Variants in NIPBL observed in about 807,000 individuals in gnomAD.
NIPBL encodes the protein nipped-B-like protein.
In NIPBL, 19 loss-of-function variants were observed where a neutral mutation model predicts 321.8. The ratio of observed to expected loss-of-function variants is 0.06; its 90% CI spans 0.04 to 0.09. The LOEUF (loss-of-function observed/expected upper bound fraction) is 0.09. Among genes scored for constraint, NIPBL ranks in the 10% least tolerant of loss-of-function variants. NIPBL has a pLI of 1.00. For synonymous variants in NIPBL, 1,106 were observed against 1,114.1 expected (o/e 0.99, Z 0.14); for missense variants, 2,210 against 3,327.0 (o/e 0.66, Z 8.26).
intron 10 of NIPBL, among the ~76,000 whole-genome samples, chr5:36,991,216 A>G (rs184104209): frequency 6.5e-4 from 99 of 152,222 alleles, no homozygotes; most frequent in Non-Finnish European, 1.1e-3. Context: ...ACTAATATCA[A>G]AACCCTGAAT....
chr5:37,004,501 C>A (rs1204040516), intron 16 of NIPBL, among the ~76,000 whole-genome samples: 4 of 151,686 alleles, frequency 2.6e-5, no homozygotes, highest in African/African-American at 9.7e-5. Context: ...AACTACTGGG[C>A]TCAGGTGATC....
At chr5:36,960,010 T>C (rs1057503362) in intron 4 of NIPBL, among the ~76,000 whole-genome samples, 20 of 152,120 alleles carry the variant, frequency 1.3e-4, no homozygotes, top group Non-Finnish European at 2.5e-4. Flanking sequence ...GGTAGGAGGA[T>C]TGCTTGAGCC....
At chr5:37,013,146 C>G (rs756811675) in intron 21 of NIPBL, among the ~76,000 whole-genome samples, 1 of 146,798 alleles carries the variant, frequency 6.8e-6, no homozygotes, top group Non-Finnish European at 1.5e-5. Context: ...ACCTCCCGGA[C>G]GGGGCGGCTG....
rs192807672 is a variant in NIPBL at position 36,981,215 on chromosome 5, A to G, written c.1496-3461A>G. Among the ~76,000 whole-genome samples, 557 of 151,812 alleles carry G rather than the reference A, an allele frequency of 3.7e-3. 3 individuals are homozygous for G. Among genetic ancestry groups the G allele is most frequent in the African/African-American group, 0.013 (522 of 41,516 alleles). The stretch of plus-strand genomic sequence containing the variant: ...ACTTTAGGATATGAGTTTGTTTGCC[A>G]ATATATTCGTTTACTGTGAGAGAAA... On this transcript the variant is annotated intron_variant, in intron 9 of 46. Transcript: ENST00000282516.
intron 1 of NIPBL, among the ~76,000 whole-genome samples, chr5:36,904,590 G>A (rs530377669): frequency 6.6e-6 from 1 of 152,326 alleles, no homozygotes; most frequent in South Asian, 2.1e-4. Flanking sequence ...CTACAGCTTA[G>A]TTGAATGCCC....
chr5:36,975,296 T>G (rs893023650), intron 8 of NIPBL, among the ~76,000 whole-genome samples: 2 of 152,132 alleles, frequency 1.3e-5, no homozygotes, highest in Non-Finnish European at 2.9e-5. Flanking sequence ...CCCAGTAGTA[T>G]TCATGTAAGA....
rs187713796 is a variant in NIPBL at position 36,890,211 on chromosome 5, A to G, written c.-80+13033A>G. Reference sequence around the variant, plus strand: ...TACTTTTTGCTTTTACTTTTTTTCTATATAAATAATGAGGCAGTGAACATC... The same window carrying G: ...TACTTTTTGCTTTTACTTTTTTTCTGTATAAATAATGAGGCAGTGAACATC... On this transcript the variant is annotated intron_variant, in intron 1 of 46. Coordinates refer to ENST00000282516, the MANE Select transcript of NIPBL (RefSeq NM_133433.4). Among the ~76,000 whole-genome samples the G allele has an allele frequency of 5.5e-3, 839 of 152,116 alleles. 13 individuals are homozygous for G. Among genetic ancestry groups the G allele is most frequent in the African/African-American group, 0.02 (810 of 41,536 alleles).
At chr5:36,975,273 T>C (rs1327377964) in intron 8 of NIPBL, among the ~76,000 whole-genome samples, 1 of 152,150 alleles carries the variant, frequency 6.6e-6, no homozygotes, top group East Asian at 1.9e-4. Flanking sequence ...GACCACTTGC[T>C]TTTTGTTATC....
chr5:36,982,235 C>T (rs988354473), intron 9 of NIPBL: 1 of 979,190 alleles, frequency 1.0e-6, no homozygotes, highest in Non-Finnish European at 1.2e-6. Context: ...AATCACTGTC[C>T]TAAATACCAA....
At chr5:36,901,775 C>T (rs545070595) in intron 1 of NIPBL, among the ~76,000 whole-genome samples, 37 of 152,242 alleles carry the variant, frequency 2.4e-4, no homozygotes, top group Admixed American at 9.8e-4. Context: ...TCCCAAAGTG[C>T]TAGGATTACA....
At chr5:36,949,745 A>G (rs1436185805) in intron 1 of NIPBL, among the ~76,000 whole-genome samples, 1 of 151,942 alleles carries the variant, frequency 6.6e-6, no homozygotes, top group Non-Finnish European at 1.5e-5. Flanking sequence ...CCATCAGATA[A>G]TAAGAATGCC....
intron 1 of NIPBL, among the ~76,000 whole-genome samples, chr5:36,878,131 T>G (rs1324860901): frequency 2.0e-5 from 3 of 152,212 alleles, no homozygotes; most frequent in Non-Finnish European, 4.4e-5. Context: ...ACTTTTCTTT[T>G]CTTTTTCCAA....
At chr5:37,064,046 A>G in intron 46 of NIPBL, 68 bp downstream of exon 46, 1 of 1,573,456 alleles carries the variant, frequency 6.4e-7, no homozygotes, top group South Asian at 1.2e-5. Flanking sequence ...GTGCTTATAT[A>G]TGTCAGTCTA....
Position 36,985,347 on chromosome 5 carries a change from G to A in NIPBL, c.2167G>A (p.Glu723Lys). ...TPKQKSDGHP[E>K]TPKQKGDGRP... The stretch of plus-strand genomic sequence containing the variant: ...AAAACAAAAGAGTGATGGGCATCCT[G>A]AAACCCCAAAACAGAAGGGTGATGG... Residue 723 changes from glutamate to lysine, a missense_variant, in exon 10 of 47, where the codon GAA (glutamate) becomes AAA (lysine). Physicochemically the swap from Glu to Lys is moderately conservative, Grantham distance 56. Coordinates refer to ENST00000282516, the MANE Select transcript of NIPBL (RefSeq NM_133433.4). 6.2e-7 allele frequency: 1 copy of A among 1,613,686 alleles called. No individual in the cohort carries two copies. Among genetic ancestry groups the A allele is most frequent in the Non-Finnish European group, 8.5e-7 (1 of 1,179,924 alleles).
Position 37,006,572 on chromosome 5 carries a change from AT to A in NIPBL, c.4073del (p.Leu1358Ter). 6.2e-7 allele frequency: 1 copy of A among 1,603,292 alleles called. No individual in the cohort carries two copies. Among genetic ancestry groups the A allele is most frequent in the Non-Finnish European group, 8.5e-7 (1 of 1,171,150 alleles). ...ATCCTCAGTATGATCCTGTTTACAGATTAGATCCTCATGGAGGTTAGTTCGT... is the reference window on the plus strand; with the variant it reads ...ATCCTCAGTATGATCCTGTTTACAGATAGATCCTCATGGAGGTTAGTTCGT... Reference protein sequence around the residue: ...LYPQYDPVYRLDPHGGGLLSS... With the variant: ...LYPQYDPVYRXDPHGGGLLSS... On this transcript the variant is annotated frameshift_variant, in exon 17 of 47. Coordinates refer to ENST00000282516, the MANE Select transcript of NIPBL (RefSeq NM_133433.4). LOFTEE classifies it high-confidence loss of function.
In NIPBL at chr5:37,002,773, A is replaced by G. The variant is rs1746966186; in HGVS notation, c.3768+8A>G. The stretch of plus-strand genomic sequence containing the variant: ...ATGGGTATAATGGATAAGGTATCTC[A>G]CCAAAGTAAAATTTATAAATTTACT... On this transcript the variant is annotated splice_region_variant and intron_variant, in intron 15 of 46. Transcript: ENST00000282516. The G allele has an allele frequency of 2.1e-6, 3 of 1,430,936 alleles. No individual in the cohort carries two copies. The highest frequency in any genetic ancestry group is 2.8e-5 in the African/African-American group (2 of 71,502). 88.6% of individuals were successfully genotyped at this position (1,430,936 alleles called of 1,614,324 possible).
intron 1 of NIPBL, among the ~76,000 whole-genome samples, chr5:36,887,578 C>T (rs985647222): frequency 2.0e-5 from 3 of 152,118 alleles, no homozygotes; most frequent in African/African-American, 7.2e-5. Flanking sequence ...TTGCTTATGT[C>T]TTTGACCTCC....
intron 1 of NIPBL, among the ~76,000 whole-genome samples, chr5:36,906,401 A>G (rs1263620030): frequency 1.3e-5 from 2 of 152,326 alleles, no homozygotes; most frequent in Admixed American, 6.5e-5. Context: ...TGTGTTAAGT[A>G]TAATCTTGGT....
At position 37,026,249 on chromosome 5, in the gene NIPBL, C is replaced by T. The variant is rs1365044403; in HGVS notation, c.5730C>T (p.Phe1910=). The change falls in exon 31 of 47, where the codon TTC becomes TTT. Residue 1910 remains phenylalanine, a synonymous_variant. Coordinates refer to ENST00000282516, the MANE Select transcript of NIPBL (RefSeq NM_133433.4). ...EGIKKLVNET[F]QKLWFTPTPH... is the part of the protein sequence containing the mutation. ...TCTAGAAATTAGTAAATGAAACATT[C>T]CAGAAACTCTGGTTTACTCCAACTC... is the stretch of plus-strand genomic sequence containing the variant. 1 of 1,606,844 alleles carries T rather than the reference C, an allele frequency of 6.2e-7. No homozygotes were observed. Among genetic ancestry groups the T allele is most frequent in the East Asian group, 2.2e-5 (1 of 44,814 alleles).
Sources: gnomAD v4.1 joint callset for allele counts (sites outside exome capture counted in the v4.1 genomes callset) on GRCh38, gnomAD v4.1.1 for gene constraint, MANE v1.5 for transcripts, NCBI Gene and HGNC (gene_info 2026-07-23, HGNC 2026-07-21) for gene names.